Variants in FAR2 observed in about 807,000 individuals in gnomAD.
FAR2 encodes fatty acyl-CoA reductase 2.
A neutral mutation model predicts 56.0 loss-of-function variants in FAR2; 19 were observed. The ratio of observed to expected loss-of-function variants is 0.34; its 90% confidence interval spans 0.24 to 0.50. The LOEUF is 0.50. Among genes scored for constraint, FAR2 ranks in the 20% least tolerant of loss-of-function variants. The probability of loss-of-function intolerance (pLI) is 0.98; values close to 1 mark genes in which losing one functional copy is unlikely to be tolerated. For synonymous variants in FAR2, 219 were observed against 218.8 expected (o/e 1.00, Z -0.01); for missense variants, 508 against 642.2 (o/e 0.79, Z 2.26).
At chr12:29,313,354 G>C (rs1162591091) in intron 8 of FAR2, among the ~76,000 whole-genome samples, 2 of 152,142 alleles carry the variant, frequency 1.3e-5, no homozygotes, top group East Asian at 3.9e-4. Context: ...GGTGATTCTT[G>C]AGACTCTTCA....
chr12:29,263,761 C>G (rs1323681554), intron 1 of FAR2, among the ~76,000 whole-genome samples: 1 of 151,246 alleles, frequency 6.6e-6, no homozygotes, highest in Non-Finnish European at 1.5e-5. Context: ...GAGCCATGAA[C>G]AAATTCAAAA....
chr12:29,215,822 T>G (rs1285712213), intron 1 of FAR2, among the ~76,000 whole-genome samples: 5 of 152,038 alleles, frequency 3.3e-5, no homozygotes, highest in Non-Finnish European at 5.9e-5. Flanking sequence ...GAATATGTGA[T>G]ATGCACAAAT....
intron 1 of FAR2, among the ~76,000 whole-genome samples, chr12:29,160,758 C>T (rs1177187432): frequency 6.6e-6 from 1 of 152,134 alleles, no homozygotes; most frequent in African/African-American, 2.4e-5. Flanking sequence ...TTGTGTCTCA[C>T]ATCCTCTTCT....
chr12:29,218,957 T>C (rs1947654572), intron 1 of FAR2, among the ~76,000 whole-genome samples: 1 of 152,156 alleles, frequency 6.6e-6, no homozygotes, highest in Non-Finnish European at 1.5e-5. Flanking sequence ...AGTGGTGCCA[T>C]CTCAGCTCAC....
intron 1 of FAR2, among the ~76,000 whole-genome samples, chr12:29,157,657 C>T (rs1363104463): frequency 6.6e-6 from 1 of 152,096 alleles, no homozygotes; most frequent in Non-Finnish European, 1.5e-5. Flanking sequence ...TATAAAAACA[C>T]CCCACATTTT....
chr12:29,316,797 T>A, intron 8 of FAR2, 44 bp from the exon 9 acceptor site: 1 of 1,594,180 alleles, frequency 6.3e-7, no homozygotes, highest in South Asian at 1.1e-5. Flanking sequence ...GATGGACTTA[T>A]ATTCTCCTTT....
intron 4 of FAR2, among the ~76,000 whole-genome samples, chr12:29,306,241 T>G (rs1168803987): frequency 1.3e-5 from 2 of 152,198 alleles, no homozygotes; most frequent in Non-Finnish European, 2.9e-5. Flanking sequence ...AAGTTGTTTT[T>G]AATTCTAGAA....
intron 10 of FAR2, among the ~76,000 whole-genome samples, chr12:29,332,242 T>C (rs1949741504): frequency 1.3e-5 from 2 of 152,228 alleles, no homozygotes; most frequent in South Asian, 2.1e-4. Context: ...ATTTATGTTT[T>C]GGTCACTAAC....
At chr12:29,209,725 T>C (rs1947521409) in intron 1 of FAR2, among the ~76,000 whole-genome samples, 1 of 151,568 alleles carries the variant, frequency 6.6e-6, no homozygotes, top group African/African-American at 2.4e-5. Context: ...TGTGTCTGTG[T>C]GTGTAAAAGA....
At chr12:29,166,986 T>G (rs1449358876) in intron 1 of FAR2, among the ~76,000 whole-genome samples, 4 of 152,352 alleles carry the variant, frequency 2.6e-5, no homozygotes, top group African/African-American at 9.6e-5. Context: ...TCAATTACTT[T>G]AAGAGTACCC....
At chr12:29,267,060 A>C (rs925926635) in intron 1 of FAR2, among the ~76,000 whole-genome samples, 3 of 152,186 alleles carry the variant, frequency 2.0e-5, no homozygotes, top group Non-Finnish European at 4.4e-5. Context: ...ATATCCTATT[A>C]AAGAAGTAGG....
intron 1 of FAR2, among the ~76,000 whole-genome samples, chr12:29,227,527 A>C (rs1161713227): frequency 6.6e-6 from 1 of 152,140 alleles, no homozygotes; most frequent in African/African-American, 2.4e-5. Context: ...TTGCTTCTCC[A>C]TCGACCAGAT....
intron 10 of FAR2, among the ~76,000 whole-genome samples, chr12:29,328,831 A>G (rs950108604): frequency 6.6e-6 from 1 of 152,092 alleles, no homozygotes; most frequent in Non-Finnish European, 1.5e-5. Context: ...AACATGGCAC[A>G]TGTATACATA....
At chr12:29,252,427 G>A (rs1209527546) in intron 1 of FAR2, among the ~76,000 whole-genome samples, 4 of 152,204 alleles carry the variant, frequency 2.6e-5, no homozygotes, top group South Asian at 4.1e-4. Context: ...ATAAATACCA[G>A]CTATGACCAT....
At chr12:29,201,037 T>C (rs1947402447) in intron 1 of FAR2, among the ~76,000 whole-genome samples, 4 of 152,154 alleles carry the variant, frequency 2.6e-5, no homozygotes, top group Admixed American at 2.6e-4. Context: ...TCCCTGCAGC[T>C]GGTGCCCCCT....
intron 1 of FAR2, among the ~76,000 whole-genome samples, chr12:29,180,870 A>G (rs1156973642): frequency 6.6e-6 from 1 of 152,012 alleles, no homozygotes; most frequent in Non-Finnish European, 1.5e-5. Flanking sequence ...TGGTTTTCTC[A>G]TTTTCTTCTC....
intron 3 of FAR2, among the ~76,000 whole-genome samples, chr12:29,294,243 G>C (rs1392979166): frequency 6.6e-6 from 1 of 151,992 alleles, no homozygotes; most frequent in Non-Finnish European, 1.5e-5. Context: ...ATGCTTATTG[G>C]CATTTTGTTC....
intron 2 of FAR2, among the ~76,000 whole-genome samples, chr12:29,285,031 CG>C (rs1948850900): frequency 6.6e-6 from 1 of 151,990 alleles, no homozygotes; most frequent in East Asian, 1.9e-4. Context: ...TTAGTAGAGG[CG>C]GGGTTTCACT....
At chr12:29,256,169 G>A (rs985821363) in intron 1 of FAR2, among the ~76,000 whole-genome samples, 2 of 151,834 alleles carry the variant, frequency 1.3e-5, no homozygotes, top group East Asian at 2.0e-4. Flanking sequence ...ACTGCACCCG[G>A]CCTTATTATA....
Sources: gnomAD v4.1 joint callset for allele counts (sites outside exome capture counted in the v4.1 genomes callset) on GRCh38, gnomAD v4.1.1 for gene constraint, MANE v1.5 for transcripts, NCBI Gene and HGNC (gene_info 2026-07-23, HGNC 2026-07-21) for gene names.